The following MAGI1 variants were observed in gnomAD, a reference collection of about 807,000 sequenced individuals.
MAGI1 encodes the protein membrane-associated guanylate kinase, WW and PDZ domain-containing protein 1.
A neutral mutation model predicts 139.9 loss-of-function variants in MAGI1; 58 were observed. The observed-to-expected ratio is 0.41, with a 90% CI of 0.34 to 0.52. The LOEUF (loss-of-function observed/expected upper bound fraction) is 0.52, where lower values mean the gene tolerates loss of function less well. Ranked by LOEUF, MAGI1 falls within the 20% of genes least tolerant of loss-of-function variation. The probability of loss-of-function intolerance (pLI) is 0.12; values close to 1 mark genes in which losing one functional copy is unlikely to be tolerated. For missense variants in MAGI1, 1,874 were observed against 1,901.6 expected (o/e 0.99, Z 0.27); for synonymous variants, 812 against 737.9 (o/e 1.10, Z -1.63).
chr3:65,824,850 C>G (rs2042139358), intron 1 of MAGI1, among the ~76,000 whole-genome samples: 1 of 152,138 alleles, frequency 6.6e-6, no homozygotes, highest in East Asian at 1.9e-4. Context: ...ATATTTTTTT[C>G]TGTCTTAACC....
chr3:65,977,726 TAAAAA>T (rs879280739), intron 1 of MAGI1, among the ~76,000 whole-genome samples: 1 of 137,472 alleles, frequency 7.3e-6, no homozygotes, highest in African/African-American at 2.7e-5. Flanking sequence ...CACTACCAAA[TAAAAA>T]AAAAAAAGAA....
chr3:65,604,791 A>C (rs1524965), intron 2 of MAGI1, among the ~76,000 whole-genome samples: 1 of 151,872 alleles, frequency 6.6e-6, no homozygotes, highest in Non-Finnish European at 1.5e-5. Flanking sequence ...GGAAAATCAA[A>C]CAGCAAATGG....
intron 1 of MAGI1, chr3:65,874,890 T>A (rs1412095110): frequency 6.6e-6 from 1 of 152,494 alleles, no homozygotes; most frequent in Admixed American, 6.5e-5. Context: ...GAAAAAAATA[T>A]GTATCTATAG....
chr3:66,017,947 C>G (rs1177412945), intron 1 of MAGI1, among the ~76,000 whole-genome samples: 3 of 152,156 alleles, frequency 2.0e-5, no homozygotes, highest in Non-Finnish European at 4.4e-5. Flanking sequence ...AGAGAAAAAG[C>G]AAACATCTTT....
At position 65,442,823 on chromosome 3, in the gene MAGI1, C is replaced by G; in HGVS notation, c.1105G>C (p.Glu369Gln). Reference protein sequence around the residue: ...LELPAGWEKIEDPVYGIYYVD... With the variant: ...LELPAGWEKIQDPVYGIYYVD... ...TAGTAGATACCATAGACAGGGTCTT[C>G]AATCTTTTCCCAACCAGCAGGCAGT... Residue 369 changes from glutamate (E) to glutamine (Q), a missense_variant, in exon 8 of 23, where the codon GAA becomes CAA. Glu to Gln is a conservative substitution (Grantham distance 29). Coordinates refer to ENST00000402939, the MANE Select transcript of MAGI1 (RefSeq NM_001033057.2). 1 of 1,613,130 alleles carries G rather than the reference C, an allele frequency of 6.2e-7. No individual in the cohort carries two copies. Among genetic ancestry groups the G allele is most frequent in the Non-Finnish European group, 8.5e-7 (1 of 1,179,406 alleles).
intron 1 of MAGI1, among the ~76,000 whole-genome samples, chr3:65,836,602 C>T (rs112574197): frequency 0.016 from 2,466 of 152,034 alleles, 57 homozygotes; most frequent in African/African-American, 0.054. Context: ...GGGTGGATCA[C>T]GAGGTCAGGA....
At position 65,429,624 on chromosome 3, in the gene MAGI1, T is replaced by G; in HGVS notation, c.2063A>C (p.Glu688Ala). ...GGCCTGCACGTTCTTCTTATTAACTTCCACTATGAGATCCCCTTCTTTCAG... is the reference window on the plus strand; with the variant it reads ...GGCCTGCACGTTCTTCTTATTAACTGCCACTATGAGATCCCCTTCTTTCAG... ...RGLKEGDLIV[E>A]VNKKNVQALT... is the part of the protein sequence containing the mutation. The change falls in exon 12 of 23, where the codon GAA becomes GCA. Residue 688 changes from glutamate to alanine, a missense_variant. Coordinates refer to ENST00000402939, the MANE Select transcript of MAGI1 (RefSeq NM_001033057.2). 2 of 1,613,970 alleles carry G rather than the reference T, an allele frequency of 1.2e-6. No homozygotes were observed. Among genetic ancestry groups the G allele is most frequent in the Non-Finnish European group, 1.7e-6 (2 of 1,179,938 alleles).
At chr3:65,505,436 C>T (rs1360196880) in intron 2 of MAGI1, among the ~76,000 whole-genome samples, 3 of 150,632 alleles carry the variant, frequency 2.0e-5, no homozygotes, top group East Asian at 1.9e-4. Flanking sequence ...TGGTAGCTCA[C>T]GAGTTCAAGA....
intron 1 of MAGI1, among the ~76,000 whole-genome samples, chr3:65,715,952 T>C (rs1467602216): frequency 6.6e-6 from 1 of 152,154 alleles, no homozygotes; most frequent in Non-Finnish European, 1.5e-5. Flanking sequence ...AACAGAGGTG[T>C]TGGAAGTGGT....
intron 1 of MAGI1, among the ~76,000 whole-genome samples, chr3:65,907,254 T>C (rs2061477244): frequency 6.6e-6 from 1 of 152,216 alleles, no homozygotes; most frequent in Non-Finnish European, 1.5e-5. Flanking sequence ...AAAATAAACA[T>C]TTTATTAACA....
At chr3:65,401,237 C>T (rs1485278141) in intron 13 of MAGI1, among the ~76,000 whole-genome samples, 1 of 152,166 alleles carries the variant, frequency 6.6e-6, no homozygotes, top group Non-Finnish European at 1.5e-5. Flanking sequence ...CCACAAATCA[C>T]TATACAGTTA....
chr3:65,575,943 C>T (rs35778782), intron 2 of MAGI1, among the ~76,000 whole-genome samples: 2,042 of 152,180 alleles, frequency 0.013, 19 homozygotes, highest in Middle Eastern at 0.031. Context: ...GGCACAAGGA[C>T]ATTTTTGGGG....
chr3:65,986,833 C>A (rs1324530261), intron 1 of MAGI1, among the ~76,000 whole-genome samples: 4 of 148,874 alleles, frequency 2.7e-5, no homozygotes, highest in African/African-American at 9.9e-5. Context: ...GCTGTCCATT[C>A]TTTACAATGA....
intron 1 of MAGI1, among the ~76,000 whole-genome samples, chr3:65,859,996 A>G (rs543393814): frequency 5.3e-5 from 8 of 151,902 alleles, no homozygotes; most frequent in African/African-American, 1.7e-4. Flanking sequence ...CCGGGGTTCA[A>G]GCGATTCTCC....
At chr3:65,469,915 T>A (rs1013612088) in intron 5 of MAGI1, 3 of 147,830 alleles carry the variant, frequency 2.0e-5, no homozygotes, top group East Asian at 1.9e-4. Context: ...TATTTATTTT[T>A]AAATATATTT....
At chr3:65,390,133 C>T (rs1231149170) in intron 14 of MAGI1, among the ~76,000 whole-genome samples, 1 of 152,172 alleles carries the variant, frequency 6.6e-6, no homozygotes, top group Non-Finnish European at 1.5e-5. Context: ...CCACACCTCA[C>T]ACAACCTCTC....
chr3:65,496,109 A>G (rs1414308187), intron 2 of MAGI1, among the ~76,000 whole-genome samples: 1 of 152,100 alleles, frequency 6.6e-6, no homozygotes, highest in Non-Finnish European at 1.5e-5. Context: ...TGGAGGAATC[A>G]CAGCTCACTA....
intron 1 of MAGI1, among the ~76,000 whole-genome samples, chr3:65,721,250 C>T (rs1286552100): frequency 6.6e-6 from 1 of 152,152 alleles, no homozygotes; most frequent in Admixed American, 6.5e-5. Flanking sequence ...TTGTTACTTC[C>T]CTCCCTTTCC....
intron 2 of MAGI1, among the ~76,000 whole-genome samples, chr3:65,577,030 T>C (rs983264748): frequency 2.6e-5 from 4 of 152,172 alleles, no homozygotes; most frequent in African/African-American, 9.6e-5. Context: ...GTCTTTCACA[T>C]ACCATGGCAC....
Sources: allele counts gnomAD v4.1 joint callset (sites outside exome capture counted in the v4.1 genomes callset), GRCh38; gene constraint gnomAD v4.1.1; transcripts MANE v1.5; gene names NCBI Gene and HGNC (gene_info 2026-07-23, HGNC 2026-07-21).